The following RRAS2 variants were observed in gnomAD, a reference collection of about 807,000 sequenced individuals.
RRAS2 encodes the protein ras-related protein R-Ras2.
A neutral mutation model predicts 27.6 loss-of-function variants in RRAS2; 7 were observed. That is an observed-to-expected ratio of 0.25 (90% CI 0.14 to 0.48). The LOEUF is 0.48. RRAS2 is among the 20% of genes least tolerant of loss of function. RRAS2 has a pLI of 0.99. For missense variants in RRAS2, 178 were observed against 256.2 expected (o/e 0.69, Z 2.08); for synonymous variants, 86 against 90.9 (o/e 0.95, Z 0.31).
Position 14,358,361 on chromosome 11 carries a change from G to A in RRAS2, c.108+402C>T. The A allele has an allele frequency of 1.0e-6, 1 of 985,502 alleles. No homozygotes were observed. The highest frequency in any genetic ancestry group is 1.2e-6 in the Non-Finnish European group (1 of 829,992). The allele number at this position is 985,502 out of a possible 1,614,324, so 61.0% of individuals were successfully genotyped here. A position where few individuals can be genotyped will look rare whatever the true frequency, so the allele number is the denominator to read the frequency against. ...TCGCCCCGACGGTGAAGGCGCGGCC[G>A]CAGGCGGCTGGAAAAGCAGCGCGCG... On this transcript the variant is annotated intron_variant, in intron 1 of 5. Coordinates refer to ENST00000256196, the MANE Select transcript of RRAS2 (RefSeq NM_012250.6). The surrounding 1 kb of genome is among the most constrained non-coding windows in gnomAD (Gnocchi z 5.1).
chr11:14,312,798 C>T lies in RRAS2; in HGVS notation c.109-16943G>A, dbSNP rs558426669. 3.3e-5 allele frequency among the ~76,000 whole-genome samples: 5 copies of T among 152,320 alleles called. No homozygotes were observed. In the South Asian group the frequency reaches 8.3e-4, roughly 25 times the overall value. On this transcript the variant is annotated intron_variant, in intron 1 of 5. Coordinates refer to ENST00000256196, the MANE Select transcript of RRAS2 (RefSeq NM_012250.6). Reference sequence around the variant, plus strand: ...ACAATAAAATTCAAAAAAGCAATCTCACACCTGTATCACTGTTGTTTTACT... The same window carrying T: ...ACAATAAAATTCAAAAAAGCAATCTTACACCTGTATCACTGTTGTTTTACT...
intron 1 of RRAS2, among the ~76,000 whole-genome samples, chr11:14,307,256 G>C (rs1041893813): frequency 1.3e-5 from 2 of 151,366 alleles, no homozygotes; most frequent in South Asian, 4.2e-4. Context: ...GCAGAAAAAG[G>C]AAGAGGGAAA....
chr11:14,325,734 T>G (rs1409180311), intron 1 of RRAS2, among the ~76,000 whole-genome samples: 1 of 152,250 alleles, frequency 6.6e-6, no homozygotes, highest in Non-Finnish European at 1.5e-5. Context: ...TTAAAAAAAT[T>G]TAATGTTTGC....
chr11:14,280,486 G>T (rs1247108622), intron 5 of RRAS2, among the ~76,000 whole-genome samples: 1 of 152,006 alleles, frequency 6.6e-6, no homozygotes, highest in Non-Finnish European at 1.5e-5. Flanking sequence ...CCAGCACTTT[G>T]GGAGGCTGAG....
chr11:14,292,942 C>T (rs1414098063), intron 4 of RRAS2, among the ~76,000 whole-genome samples: 3 of 151,148 alleles, frequency 2.0e-5, no homozygotes, highest in Non-Finnish European at 4.4e-5. Context: ...CCCGTATCTA[C>T]TAAAAATATA....
chr11:14,341,896 A>G, intron 1 of RRAS2: 1 of 449,684 alleles, frequency 2.2e-6, no homozygotes, highest in Non-Finnish European at 4.4e-6. Context: ...TCCTCCCCCA[A>G]CACCAAGAGG....
At position 14,278,610 on chromosome 11, in the gene RRAS2, CCT is replaced by C. The variant is rs1849436952; in HGVS notation, c.*725_*726del. The stretch of plus-strand genomic sequence containing the variant: ...AAAAGGAAGACAGAAGGAAATTATT[CCT>C]TTTTACCCTTAGCGTGGCTGTGAAA... On this transcript the variant is annotated 3_prime_UTR_variant, in exon 6 of 6. Transcript: ENST00000256196. 1 of 152,116 alleles carries C rather than the reference CCT, an allele frequency of 6.6e-6. No homozygotes were observed. The highest frequency in any genetic ancestry group is 2.1e-4 in the South Asian group (1 of 4,822). The allele number at this position is 152,116 out of a possible 1,614,324, so 9.4% of individuals were successfully genotyped here.
upstream of RRAS2, among the ~76,000 whole-genome samples, chr11:14,360,195 TAAA>T (rs71041599): frequency 9.0e-4 from 126 of 139,534 alleles, no homozygotes; most frequent in Non-Finnish European, 8.2e-4. Flanking sequence ...ACATGCCATT[TAAA>T]AAAAAAAAAA....
chr11:14,287,244 T>G (rs1849684486), intron 4 of RRAS2, among the ~76,000 whole-genome samples: 1 of 152,210 alleles, frequency 6.6e-6, no homozygotes. Flanking sequence ...GGCTAGGAAG[T>G]TAAGACAGGT....
rs1849134777 is a variant in RRAS2, at chr11:14,358,634, C to G, written c.108+129G>C. On this transcript the variant is annotated intron_variant, in intron 1 of 5. Coordinates refer to ENST00000256196, the MANE Select transcript of RRAS2 (RefSeq NM_012250.6). The surrounding 1 kb of genome is among the most constrained non-coding windows in gnomAD (Gnocchi z 5.1). ...GAGCGTAGTCGGCCCCGCGCCCTCC[C>G]GCCCCCTGGCCCCGGCCCGGGCCCG... The G allele has an allele frequency of 1.0e-6, 1 of 976,644 alleles. No homozygotes were observed. The highest frequency in any genetic ancestry group is 1.2e-6 in the Non-Finnish European group (1 of 821,674). The allele number at this position is 976,644 out of a possible 1,614,324, so 60.5% of individuals were successfully genotyped here.
chr11:14,318,011 G>A (rs149616399), intron 1 of RRAS2, among the ~76,000 whole-genome samples: 1,659 of 152,234 alleles, frequency 0.011, 15 homozygotes, highest in Non-Finnish European at 0.014. Context: ...ATTTTCAAAC[G>A]GAGCAGGAAG....
chr11:14,357,500 T>G (rs2134046758), intron 1 of RRAS2, among the ~76,000 whole-genome samples: 1 of 152,330 alleles, frequency 6.6e-6, no homozygotes, highest in Non-Finnish European at 1.5e-5. Flanking sequence ...AAGCATACTG[T>G]AAATGCTCAT....
At chr11:14,326,315 T>G (rs1018269094) in intron 1 of RRAS2, among the ~76,000 whole-genome samples, 1 of 152,236 alleles carries the variant, frequency 6.6e-6, no homozygotes, top group African/African-American at 2.4e-5. Context: ...TATTGTGTAA[T>G]TTTTAGCATT....
intron 1 of RRAS2, among the ~76,000 whole-genome samples, chr11:14,353,078 C>A (rs1349892468): frequency 6.6e-6 from 1 of 152,104 alleles, no homozygotes; most frequent in Non-Finnish European, 1.5e-5. Flanking sequence ...GGATTACAGG[C>A]ATGAGCCACC....
rs1849122251 is a variant in RRAS2 at position 14,358,185 on chromosome 11, C to T, written c.108+578G>A. 2 of 977,760 alleles carry T rather than the reference C, an allele frequency of 2.0e-6. No homozygotes were observed. Among genetic ancestry groups the T allele is most frequent in the East Asian group, 1.1e-4 (1 of 8,790 alleles). 60.6% of individuals were successfully genotyped at this position (977,760 alleles called of 1,614,324 possible). On this transcript the variant is annotated intron_variant, in intron 1 of 5. Coordinates refer to ENST00000256196, the MANE Select transcript of RRAS2 (RefSeq NM_012250.6). The surrounding 1 kb of genome is among the most constrained non-coding windows in gnomAD (Gnocchi z 5.1). ...TTCCCCGGGGCATTATCACACACTC[C>T]CACCCGGACATATTACCTAAGAGAG...
Position 14,322,850 on chromosome 11 carries a change from T to C in RRAS2, c.109-26995A>G, listed in dbSNP as rs544923483. On this transcript the variant is annotated intron_variant, in intron 1 of 5. Transcript: ENST00000256196. Reference sequence around the variant, plus strand: ...CTATAAAAAATGACCATCAATCCAATCAAGACAAATGTGAATTTAAAAAAT... The same window carrying C: ...CTATAAAAAATGACCATCAATCCAACCAAGACAAATGTGAATTTAAAAAAT... 1.3e-4 allele frequency among the ~76,000 whole-genome samples: 19 copies of C among 151,866 alleles called. No individual in the cohort carries two copies. In the South Asian group the frequency reaches 4.0e-3, roughly 32 times the overall value.
chr11:14,355,113 A>G (rs1282822088), intron 1 of RRAS2, among the ~76,000 whole-genome samples: 3 of 152,152 alleles, frequency 2.0e-5, no homozygotes, highest in Admixed American at 6.6e-5. Context: ...ACTTGGGTTT[A>G]GAGAACCTAA....
intron 1 of RRAS2, among the ~76,000 whole-genome samples, chr11:14,300,042 G>GA (rs1298405361): frequency 3.3e-5 from 5 of 151,714 alleles, no homozygotes; most frequent in Non-Finnish European, 7.4e-5. Flanking sequence ...AAAAAAAGAG[G>GA]AAAAAAAAGC....
At chr11:14,291,087 T>C (rs1849801749) in intron 4 of RRAS2, among the ~76,000 whole-genome samples, 1 of 152,082 alleles carries the variant, frequency 6.6e-6, no homozygotes, top group South Asian at 2.1e-4. Context: ...GGAAGTGAAC[T>C]TGATGGGGTA....
Sources: allele counts gnomAD v4.1 joint callset (sites outside exome capture counted in the v4.1 genomes callset), GRCh38; gene constraint gnomAD v4.1.1; non-coding constraint Gnocchi (gnomAD v3.1); transcripts MANE v1.5; gene names NCBI Gene and HGNC (gene_info 2026-07-23, HGNC 2026-07-21).